Variants in CYRIA observed in about 807,000 individuals in gnomAD.
CYRIA encodes the protein CYFIP-related Rac1 interactor A.
A neutral mutation model predicts 43.9 loss-of-function variants in CYRIA; 15 were observed. That is an observed-to-expected ratio of 0.34 (90% CI 0.23 to 0.53). The LOEUF (loss-of-function observed/expected upper bound fraction) is 0.53, where lower values mean the gene tolerates loss of function less well. CYRIA is among the 20% of genes least tolerant of loss of function. The probability of loss-of-function intolerance (pLI) is 0.94; values close to 1 mark genes in which losing one functional copy is unlikely to be tolerated. For missense variants in CYRIA, 236 were observed against 394.2 expected, an observed-to-expected ratio of 0.60 and a Z score of 3.40; for synonymous variants, 117 against 136.0, an observed-to-expected ratio of 0.86 and a Z score of 0.97.
intron 3 of CYRIA, among the ~76,000 whole-genome samples, chr2:16,580,035 C>T (rs901146824): frequency 2.0e-5 from 3 of 151,940 alleles, no homozygotes; most frequent in Non-Finnish European, 4.4e-5. Context: ...GCAGCCTCCA[C>T]CTCCTGGCCT....
chr2:16,656,157 A>T (rs1670105419), intron 1 of CYRIA, among the ~76,000 whole-genome samples: 1 of 152,084 alleles, frequency 6.6e-6, no homozygotes, highest in African/African-American at 2.4e-5. Flanking sequence ...ATGCACATGT[A>T]CACGCTTACA....
rs1407289964 is a variant in CYRIA at position 16,560,914 on chromosome 2, A to G, written c.710+76T>C. 4 of 1,294,672 alleles carry G rather than the reference A, an allele frequency of 3.1e-6. No homozygotes were observed. In the African/African-American group the frequency reaches 5.8e-5, roughly 19 times the overall value. The allele number at this position is 1,294,672 out of a possible 1,614,324, so 80.2% of individuals were successfully genotyped here. A position where few individuals can be genotyped will look rare whatever the true frequency, so the allele number is the denominator to read the frequency against. ...TAGGGTGTTGACCCAAATGTTACAT[A>G]TCATTAACATCATCATCTTAACAGA... On this transcript the variant is annotated intron_variant, in intron 9 of 11. Coordinates refer to ENST00000381323, the MANE Select transcript of CYRIA (RefSeq NM_030797.4).
intron 1 of CYRIA, among the ~76,000 whole-genome samples, chr2:16,642,043 A>G (rs191655884): frequency 1.9e-3 from 291 of 152,086 alleles, no homozygotes; most frequent in Non-Finnish European, 3.1e-3. Context: ...TAAATTCTTA[A>G]TATTGGCACT....
intron 2 of CYRIA, among the ~76,000 whole-genome samples, chr2:16,614,547 G>GAGCCTGCAATGTA (rs1389659443): frequency 1.3e-5 from 2 of 152,194 alleles, no homozygotes; most frequent in Non-Finnish European, 1.5e-5. Flanking sequence ...ACCCTCTGGA[G>GAGCCTGCAATGTA]AGCCTGCAAG....
chr2:16,664,967 G>C (rs1282885232), intron 1 of CYRIA, among the ~76,000 whole-genome samples: 1 of 152,130 alleles, frequency 6.6e-6, no homozygotes, highest in African/African-American at 2.4e-5. Flanking sequence ...GGGGATGCGT[G>C]GGGAAATAGC....
chr2:16,583,634 C>G (rs975527019), intron 3 of CYRIA, among the ~76,000 whole-genome samples: 1 of 152,300 alleles, frequency 6.6e-6, no homozygotes, highest in Admixed American at 6.5e-5. Context: ...GTTGCACAAT[C>G]TTGAGTAGAA....
chr2:16,585,380 T>A (rs1206850562), intron 3 of CYRIA, among the ~76,000 whole-genome samples: 2 of 152,118 alleles, frequency 1.3e-5, no homozygotes, highest in Admixed American at 6.6e-5. Flanking sequence ...GCCACAGAGA[T>A]CTTTGTTCCC....
intron 1 of CYRIA, among the ~76,000 whole-genome samples, chr2:16,628,181 C>T (rs1669224871): frequency 6.6e-6 from 1 of 152,064 alleles, no homozygotes; most frequent in Admixed American, 6.5e-5. Flanking sequence ...ACAACAGCCA[C>T]CATTTGTTGG....
At chr2:16,613,031 T>A (rs182564679) in intron 2 of CYRIA, among the ~76,000 whole-genome samples, 70 of 152,338 alleles carry the variant, frequency 4.6e-4, no homozygotes, top group Non-Finnish European at 9.0e-4. Context: ...CTCATTCGTC[T>A]TCCTCCTTGA....
At chr2:16,614,291 T>C (rs1443637484) in intron 2 of CYRIA, among the ~76,000 whole-genome samples, 1 of 152,200 alleles carries the variant, frequency 6.6e-6, no homozygotes, top group Non-Finnish European at 1.5e-5. Flanking sequence ...GCAGGAAATC[T>C]GCAATCCACA....
At chr2:16,633,543 CTTTTT>C (rs755223919) in intron 1 of CYRIA, among the ~76,000 whole-genome samples, 1 of 92,318 alleles carries the variant, frequency 1.1e-5, no homozygotes, top group African/African-American at 4.1e-5. Context: ...CTATCCCTGG[CTTTTT>C]TTTTTTTTTT....
intron 1 of CYRIA, among the ~76,000 whole-genome samples, chr2:16,653,577 C>T (rs1417934244): frequency 1.3e-5 from 2 of 151,398 alleles, no homozygotes; most frequent in Non-Finnish European, 2.9e-5. Context: ...GTCCATCTTT[C>T]CCCAACAAAA....
chr2:16,624,447 G>A (rs919723493), intron 1 of CYRIA, among the ~76,000 whole-genome samples: 3 of 152,198 alleles, frequency 2.0e-5, no homozygotes, highest in African/African-American at 4.8e-5. Context: ...ACCCCTGGGA[G>A]CTAAATTAGT....
At chr2:16,661,147 C>T (rs1003881898) in intron 1 of CYRIA, among the ~76,000 whole-genome samples, 7 of 152,036 alleles carry the variant, frequency 4.6e-5, no homozygotes, top group Non-Finnish European at 1.0e-4. Context: ...TGGTGGTGCA[C>T]ACCTGTGGTC....
chr2:16,566,811 T>C (rs1464267214), intron 3 of CYRIA, among the ~76,000 whole-genome samples: 1 of 152,208 alleles, frequency 6.6e-6, no homozygotes, highest in East Asian at 1.9e-4. Context: ...GTTTTATTTA[T>C]CTTGCAATTC....
At chr2:16,585,903 C>A (rs1362407587) in intron 3 of CYRIA, among the ~76,000 whole-genome samples, 2 of 152,042 alleles carry the variant, frequency 1.3e-5, no homozygotes, top group Non-Finnish European at 2.9e-5. Context: ...AGTTTTAAAT[C>A]CCTGCAAATT....
At chr2:16,617,989 C>G (rs1157696256) in intron 2 of CYRIA, among the ~76,000 whole-genome samples, 10 of 152,198 alleles carry the variant, frequency 6.6e-5, no homozygotes, top group Admixed American at 6.5e-4. Context: ...TTCTCCCTCT[C>G]TCCCTCTTTA....
At chr2:16,556,351 T>C (rs1245806830) in intron 10 of CYRIA, among the ~76,000 whole-genome samples, 2 of 152,152 alleles carry the variant, frequency 1.3e-5, no homozygotes, top group Non-Finnish European at 2.9e-5. Flanking sequence ...GCCAGGTATA[T>C]GCCACCCCAG....
chr2:16,601,847 C>T lies in CYRIA; in HGVS notation c.-10-13718G>A, dbSNP rs1668220021. ...GAGTATAAAACCAAATGAAATCAAG[C>T]AGGGTTTATTTTAAAAAGAAGTGAC... On this transcript the variant is annotated intron_variant, in intron 2 of 11. Transcript: ENST00000381323. 2.0e-5 allele frequency among the ~76,000 whole-genome samples: 3 copies of T among 152,138 alleles called. No individual in the cohort carries two copies. In the South Asian group the frequency reaches 6.2e-4, roughly 32 times the overall value.
Sources: allele counts gnomAD v4.1 joint callset (sites outside exome capture counted in the v4.1 genomes callset), GRCh38; gene constraint gnomAD v4.1.1; transcripts MANE v1.5; gene names NCBI Gene and HGNC (gene_info 2026-07-23, HGNC 2026-07-21).